The following SLFN13 variants were observed in gnomAD, a reference collection of about 807,000 sequenced individuals.
The protein encoded by SLFN13 is schlafen-13.
A neutral mutation model predicts 50.6 loss-of-function variants in SLFN13; 43 were observed. The ratio of observed to expected loss-of-function variants is 0.85; its 90% CI spans 0.67 to 1.09. The LOEUF is 1.09. SLFN13 is among the 50% of genes least tolerant of loss of function. The probability of loss-of-function intolerance (pLI) is 0.00; values close to 1 mark genes in which losing one functional copy is unlikely to be tolerated. For missense variants in SLFN13, 881 were observed against 1,071.1 expected, an observed-to-expected ratio of 0.82 and a Z score of 2.48; for synonymous variants, 339 against 386.5, an observed-to-expected ratio of 0.88 and a Z score of 1.44.
chr17:35,448,091 C>T lies in SLFN13; in HGVS notation c.-161+631G>A, dbSNP rs528535709. On this transcript the variant is annotated intron_variant, in intron 1 of 5. Transcript: ENST00000285013. ...ATAGCGATAGGGTCTCCCTACATTG[C>T]CCAGGCTGGTCTCGAAATCCTGGGC... Among the ~76,000 whole-genome samples the T allele has an allele frequency of 1.9e-4, 29 of 150,700 alleles. No individual in the cohort carries two copies. In the South Asian group the frequency reaches 6.0e-3, roughly 31 times the overall value.
In SLFN13 at chr17:35,445,419, G is replaced by C; in HGVS notation, c.262C>G (p.Gln88Glu). 2 of 1,614,178 alleles carry C rather than the reference G, an allele frequency of 1.2e-6. No individual in the cohort carries two copies. The highest frequency in any genetic ancestry group is 1.7e-6 in the Non-Finnish European group (2 of 1,180,034). The change falls in exon 3 of 6, where the codon CAG becomes GAG. Residue 88 changes from glutamine to glutamate, a missense_variant. Gln to Glu is a conservative substitution (Grantham distance 29). Around this residue, in one of 5 missense-constraint regions of SLFN13, gnomAD observed 497 missense variants for 518.3 expected, o/e 0.96. Transcript: ENST00000285013. ...AAGAAAGCCTGCAAATATGGATACT[G>C]AATAAGCTTTCTCAAGGATTCTTCT... is the stretch of plus-strand genomic sequence containing the variant. ...DLEESLRKLI[Q>E]YPYLQAFFET...
Position 35,443,667 on chromosome 17 carries a change from G to T in SLFN13, c.1198+122C>A, listed in dbSNP as rs1044376946. The T allele has an allele frequency of 2.9e-6, 3 of 1,019,752 alleles. No individual in the cohort carries two copies. The African/African-American group carries it at 4.8e-5, about 16-fold the overall frequency. 63.2% of individuals were successfully genotyped at this position (1,019,752 alleles called of 1,614,324 possible). On this transcript the variant is annotated intron_variant, in intron 4 of 5. Coordinates refer to ENST00000285013, the MANE Select transcript of SLFN13 (RefSeq NM_144682.6). The stretch of plus-strand genomic sequence containing the variant: ...GGCACCTGAAACTCATCCCCAAGAG[G>T]CTTGTGGCATTGTCACTGTGTACAC...
Position 35,438,107 on chromosome 17 carries a change from T to TA in SLFN13, c.*2487dup, listed in dbSNP as rs11337992. 0.32 allele frequency: 45,050 copies of TA among 141,108 alleles called. 7,255 individuals are homozygous for TA. Among genetic ancestry groups the TA allele is most frequent in the Middle Eastern group, 0.36 (97 of 268 alleles). 8.7% of individuals were successfully genotyped at this position (141,108 alleles called of 1,614,324 possible). A position where few individuals can be genotyped will look rare whatever the true frequency, so the allele number is the denominator to read the frequency against. The stretch of plus-strand genomic sequence containing the variant: ...GAAACACAGTGAGACCTTTTCTCTT[T>TA]AAAAAAAAAAAAAAAAAAAATTTAC... On this transcript the variant is annotated 3_prime_UTR_variant, in exon 6 of 6. Coordinates refer to ENST00000285013, the MANE Select transcript of SLFN13 (RefSeq NM_144682.6).
Position 35,447,255 on chromosome 17 carries a change from T to C in SLFN13, c.-14+13A>G, listed in dbSNP as rs993201364. On this transcript the variant is annotated intron_variant, in intron 2 of 5. Coordinates refer to ENST00000285013, the MANE Select transcript of SLFN13 (RefSeq NM_144682.6). ...AAATTGAGAATTCAGGTGAAAAAAATCAGGAAGCTTACCAATATATTTAAC... is the reference window on the plus strand; with the variant it reads ...AAATTGAGAATTCAGGTGAAAAAAACCAGGAAGCTTACCAATATATTTAAC... 1 of 152,122 alleles carries C rather than the reference T, an allele frequency of 6.6e-6. No individual in the cohort carries two copies. Among genetic ancestry groups the C allele is most frequent in the Non-Finnish European group, 1.5e-5 (1 of 68,014 alleles). The allele number at this position is 152,122 out of a possible 1,614,324, so 9.4% of individuals were successfully genotyped here. A position where few individuals can be genotyped will look rare whatever the true frequency, so the allele number is the denominator to read the frequency against.
upstream of SLFN13, among the ~76,000 whole-genome samples, chr17:35,449,546 C>T (rs112393979): frequency 2.9e-3 from 449 of 152,296 alleles, 6 homozygotes; most frequent in Non-Finnish European, 4.7e-3. Flanking sequence ...GACGGATGCT[C>T]GGATCGGGCG....
In SLFN13 at chr17:35,438,043, TCTAGTGAA is replaced by T. The variant is rs1912688852; in HGVS notation, c.*2544_*2551del. ...TCACTTGAGCCCAGGAGTTCAGGGC[TCTAGTGAA>T]CTATGATCACACCACTACCCTCCAG... On this transcript the variant is annotated 3_prime_UTR_variant, in exon 6 of 6. Transcript: ENST00000285013. 1 of 151,148 alleles carries T rather than the reference TCTAGTGAA, an allele frequency of 6.6e-6. No homozygotes were observed. The highest frequency in any genetic ancestry group is 1.5e-5 in the Non-Finnish European group (1 of 67,954). 9.4% of individuals were successfully genotyped at this position (151,148 alleles called of 1,614,324 possible).
rs1199137503 is a variant in SLFN13 at position 35,438,510 on chromosome 17, A to C, written c.*2085T>G. On this transcript the variant is annotated 3_prime_UTR_variant, in exon 6 of 6. Coordinates refer to ENST00000285013, the MANE Select transcript of SLFN13 (RefSeq NM_144682.6). Reference sequence around the variant, plus strand: ...CTCTCAAAGGCTGAAATAACTCCAAAGACCAGGGAGTTTACTAAGAACATT... The same window carrying C: ...CTCTCAAAGGCTGAAATAACTCCAACGACCAGGGAGTTTACTAAGAACATT... The C allele has an allele frequency of 6.6e-6, 1 of 152,176 alleles. No individual in the cohort carries two copies. The allele number at this position is 152,176 out of a possible 1,614,324, so 9.4% of individuals were successfully genotyped here.
At chr17:35,444,566 T>TAC in intron 3 of SLFN13, 49 bp downstream of exon 3, 1 of 1,512,132 alleles carries the variant, frequency 6.6e-7, no homozygotes, top group Non-Finnish European at 9.0e-7. Context: ...GAAGTGGTAT[T>TAC]GGGGAAGAGG....
intron 2 of SLFN13, chr17:35,445,935 G>A (rs7216096): frequency 0.24 from 90,784 of 372,588 alleles, 14,174 homozygotes; most frequent in East Asian, 0.68. Flanking sequence ...TAGGGTATCT[G>A]AACGAATCTG....
intron 4 of SLFN13, 142 bp from the exon 5 acceptor site, chr17:35,442,428 TTTTG>T (rs762124321): frequency 1.3e-4 from 136 of 1,055,046 alleles, no homozygotes; most frequent in African/African-American, 2.1e-4. Flanking sequence ...ATCTCTGGTT[TTTTG>T]TTTGTTTGTT....
rs1913046182 is a variant in SLFN13, at chr17:35,443,790, T to A, written c.1197A>T (p.Pro399=). ...GATGTAAAAACTGGCAGTCAGTACC[T>A]GGAAATAAATGTTGTTGTAGATCAG... ...HKADLQQHLF[P]VPPGHLECTP... Residue 399 remains proline (P), a splice_region_variant and synonymous_variant, in exon 4 of 6, where the codon CCA becomes CCT. Transcript: ENST00000285013. 2 of 1,607,794 alleles carry A rather than the reference T, an allele frequency of 1.2e-6. No homozygotes were observed. Among genetic ancestry groups the A allele is most frequent in the Admixed American group, 3.4e-5 (2 of 59,528 alleles).
chr17:35,436,100 T>C lies in SLFN13; in HGVS notation c.*4495A>G, dbSNP rs1912638526. 6.6e-6 allele frequency: 1 copy of C among 152,198 alleles called. No individual in the cohort carries two copies. Among genetic ancestry groups the C allele is most frequent in the African/African-American group, 2.4e-5 (1 of 41,464 alleles). 9.4% of individuals were successfully genotyped at this position (152,198 alleles called of 1,614,324 possible). A position where few individuals can be genotyped will look rare whatever the true frequency, so the allele number is the denominator to read the frequency against. ...TGAGTGACCTGCAATTTTCCTTTCA[T>C]ACTTTACCTATCAGACTTGTTATCA... On this transcript the variant is annotated 3_prime_UTR_variant, in exon 6 of 6. Transcript: ENST00000285013.
Position 35,442,253 on chromosome 17 carries a change from G to A in SLFN13, c.1232C>T (p.Ser411Phe). The A allele has an allele frequency of 6.2e-7, 1 of 1,606,376 alleles. No individual in the cohort carries two copies. The highest frequency in any genetic ancestry group is 1.1e-5 in the South Asian group (1 of 89,876). The change falls in exon 5 of 6, where the codon TCC becomes TTC. Residue 411 changes from serine to phenylalanine, a missense_variant. This residue lies in a region of SLFN13 where 497 missense variants were observed against 518.3 expected (regional missense o/e 0.96). Transcript: ENST00000285013. ...CTGTAAAGACAGCTCCTTCCAGAGG[G>A]ACTCTGGAGTACATTCCAAATGTCC... ...PPGHLECTPE[S>F]LWKELSLQHE... is the part of the protein sequence containing the mutation.
chr17:35,442,465 A>G (rs1228159934), intron 4 of SLFN13, among the ~76,000 whole-genome samples, 179 bp from the exon 5 acceptor site: 1 of 152,160 alleles, frequency 6.6e-6, no homozygotes, highest in African/African-American at 2.4e-5. Flanking sequence ...TGTTTTTGAG[A>G]CGGAGTCTCG....
In SLFN13 at chr17:35,442,190, C is replaced by T. The variant is rs1320053156; in HGVS notation, c.1295G>A (p.Arg432Gln). 3.1e-6 allele frequency: 5 copies of T among 1,614,134 alleles called. No individual in the cohort carries two copies. The highest frequency in any genetic ancestry group is 2.2e-5 in the South Asian group (2 of 91,068). ...GLKELIHKQM[R>Q]PFSQGIVILS... Reference sequence around the variant, plus strand: ...GATCACAATTCCCTGGGAGAAAGGTCGCATTTGCTTGTGTATTAACTCCTT... The same window carrying T: ...GATCACAATTCCCTGGGAGAAAGGTTGCATTTGCTTGTGTATTAACTCCTT... Residue 432 changes from arginine (R) to glutamine (Q), a missense_variant, in exon 5 of 6, where the codon CGA becomes CAA. Arg to Gln is a conservative substitution (Grantham distance 43). This residue lies in a region of SLFN13 where 497 missense variants were observed against 518.3 expected (regional missense o/e 0.96). Coordinates refer to ENST00000285013, the MANE Select transcript of SLFN13 (RefSeq NM_144682.6).
chr17:35,438,489 C>T lies in SLFN13; in HGVS notation c.*2106G>A, dbSNP rs1912701614. ...AATTAGACTTTTAAAGAATTACTCT[C>T]AAAGGCTGAAATAACTCCAAAGACC... On this transcript the variant is annotated 3_prime_UTR_variant, in exon 6 of 6. Transcript: ENST00000285013. 1 of 152,086 alleles carries T rather than the reference C, an allele frequency of 6.6e-6. No individual in the cohort carries two copies. The highest frequency in any genetic ancestry group is 2.1e-4 in the South Asian group (1 of 4,832). The allele number at this position is 152,086 out of a possible 1,614,324, so 9.4% of individuals were successfully genotyped here. A position where few individuals can be genotyped will look rare whatever the true frequency, so the allele number is the denominator to read the frequency against.
In SLFN13 at chr17:35,441,965, T is replaced by G. The variant is rs1292702477; in HGVS notation, c.1520A>C (p.Lys507Thr). 6.2e-7 allele frequency: 1 copy of G among 1,613,950 alleles called. No homozygotes were observed. The highest frequency in any genetic ancestry group is 1.7e-5 in the Admixed American group (1 of 60,016). Residue 507 changes from lysine to threonine, a missense_variant, in exon 5 of 6, where the codon AAG (lysine) becomes ACG (threonine). Transcript: ENST00000285013. ...GAGGACCTTGGCCCTGACACACACC[T>G]TCCCGGTGTAGCCCCCCATGTTCAC... Reference protein sequence around the residue: ...KLVNMGGYTGKVCVRAKVLCL... With the variant: ...KLVNMGGYTGTVCVRAKVLCL...
In SLFN13 at chr17:35,445,628, AC is replaced by A; in HGVS notation, c.52del (p.Val18SerfsTer7). 1 of 1,614,100 alleles carries A rather than the reference AC, an allele frequency of 6.2e-7. No homozygotes were observed. The highest frequency in any genetic ancestry group is 8.5e-7 in the Non-Finnish European group (1 of 1,179,996). On this transcript the variant is annotated frameshift_variant, in exon 3 of 6. Coordinates refer to ENST00000285013, the MANE Select transcript of SLFN13 (RefSeq NM_144682.6). LOFTEE classifies it high-confidence loss of function. ...CAGAGTCACTTCTCCGACATCGATG[AC>A]CAGGTCTGGGTAAGATGGATACACA... ...LGVYPSYPDL[V>X]IDVGEVTLGE...
At position 35,444,465 on chromosome 17, in the gene SLFN13, C is replaced by T. The variant is rs750503034; in HGVS notation, c.1066+150G>A. The T allele has an allele frequency of 1.6e-3, 1,111 of 715,054 alleles. 7 individuals carry two copies. Among genetic ancestry groups the T allele is most frequent in the Non-Finnish European group, 1.1e-3 (509 of 462,734 alleles). 44.3% of individuals were successfully genotyped at this position (715,054 alleles called of 1,614,324 possible). A position where few individuals can be genotyped will look rare whatever the true frequency, so the allele number is the denominator to read the frequency against. On this transcript the variant is annotated intron_variant, in intron 3 of 5. Coordinates refer to ENST00000285013, the MANE Select transcript of SLFN13 (RefSeq NM_144682.6). ...TATCTCATTTTGGCTTTTTCTCACC[C>T]AATAAAACTTCCCATCTATGAAAAG...
Sources: allele counts gnomAD v4.1 joint callset (sites outside exome capture counted in the v4.1 genomes callset), GRCh38; gene constraint gnomAD v4.1.1; regional missense constraint gnomAD v4.1.1; transcripts MANE v1.5; gene names NCBI Gene and HGNC (gene_info 2026-07-23, HGNC 2026-07-21).